Variants in MIF4GD observed in about 807,000 individuals in gnomAD.
MIF4GD encodes the protein MIF4G domain containing, also known as MIF4G domain-containing protein.
Under a neutral mutation model 26.7 loss-of-function variants are expected in MIF4GD, and 22 were observed. That is an observed-to-expected ratio of 0.82 (90% CI 0.59 to 1.18). The LOEUF (loss-of-function observed/expected upper bound fraction) is 1.18. Among genes scored for constraint, MIF4GD ranks in the 50% most tolerant of loss-of-function variants. MIF4GD has a pLI of 0.00. For synonymous variants in MIF4GD, 137 were observed against 111.6 expected (o/e 1.23, Z -1.43); for missense variants, 262 against 279.6 (o/e 0.94, Z 0.45).
chr17:75,267,683 G>C, intron 4 of MIF4GD, 53 bp from the exon 5 acceptor site: 1 of 1,612,982 alleles, frequency 6.2e-7, no homozygotes, highest in East Asian at 2.2e-5. Context: ...AAGGGGAGCA[G>C]TCCAACCTGG....
rs749939866 is a variant in MIF4GD at position 75,268,208 on chromosome 17, G to A, written c.83-16C>T. On this transcript the variant is annotated splice_polypyrimidine_tract_variant and intron_variant, in intron 2 of 5. Transcript: ENST00000325102. ...GCACCCGGATCTAGGGGTAGAGATA[G>A]GAGGGGAGTCTAGAGCTGCTGCTTT... The A allele has an allele frequency of 3.1e-6, 5 of 1,599,680 alleles. No individual in the cohort carries two copies. The highest frequency in any genetic ancestry group is 2.2e-5 in the South Asian group (2 of 90,802).
At position 75,266,476 on chromosome 17, in the gene MIF4GD, T is replaced by C; in HGVS notation, c.*264A>G. ...GTAAACTGAGGCACCAAGGTAGTAG[T>C]TGCACTAATGGTTACACAGTGCAGT... On this transcript the variant is annotated 3_prime_UTR_variant, in exon 6 of 6. Coordinates refer to ENST00000325102, the MANE Select transcript of MIF4GD (RefSeq NM_001370592.1). 1 of 540,830 alleles carries C rather than the reference T, an allele frequency of 1.8e-6. No individual in the cohort carries two copies. Among genetic ancestry groups the C allele is most frequent in the South Asian group, 2.1e-5 (1 of 46,870 alleles). 33.5% of individuals were successfully genotyped at this position (540,830 alleles called of 1,614,324 possible).
At chr17:75,269,509 T>C (rs767151086) in intron 2 of MIF4GD, 4 of 1,572,038 alleles carry the variant, frequency 2.5e-6, no homozygotes, top group Admixed American at 3.9e-5. Flanking sequence ...ATGTAAGCGC[T>C]TCAAGGGCAG....
Position 75,266,726 on chromosome 17 carries a change from C to T in MIF4GD, c.*14G>A, listed in dbSNP as rs746614263. ...GAAAGGCCAGTGCTGGTGAGGAAGC[C>T]CTGATCTGGAGGCCTAGTCGGAGAC... On this transcript the variant is annotated 3_prime_UTR_variant, in exon 6 of 6. Transcript: ENST00000325102. 3.7e-6 allele frequency: 6 copies of T among 1,612,548 alleles called. No homozygotes were observed. In the South Asian group the frequency reaches 6.6e-5, roughly 18 times the overall value.
At chr17:75,267,402 T>G in intron 5 of MIF4GD, 136 bp downstream of exon 5, 1 of 858,624 alleles carries the variant, frequency 1.2e-6, no homozygotes, top group Non-Finnish European at 1.8e-6. Context: ...CTGACAGGCC[T>G]TAAACACCCC....
At chr17:75,269,548 C>CTTTTTTTT (rs547476219) in intron 2 of MIF4GD, 43 of 559,074 alleles carry the variant, frequency 7.7e-5, no homozygotes, top group African/African-American at 5.0e-4. Context: ...TATGGTTAAA[C>CTTTTTTTT]TTTTTTTTTT....
chr17:75,268,619 C>A (rs372511015), intron 2 of MIF4GD, among the ~76,000 whole-genome samples: 17 of 149,750 alleles, frequency 1.1e-4, no homozygotes, highest in African/African-American at 4.2e-4. Flanking sequence ...TTGCAGTGAG[C>A]CGAGATCATG....
Position 75,266,407 on chromosome 17 carries a change from C to G in MIF4GD, c.*333G>C, listed in dbSNP as rs2077486192. The G allele has an allele frequency of 4.8e-6, 2 of 416,922 alleles. No individual in the cohort carries two copies. The highest frequency in any genetic ancestry group is 1.0e-4 in the East Asian group (2 of 20,056). 25.8% of individuals were successfully genotyped at this position (416,922 alleles called of 1,614,324 possible). On this transcript the variant is annotated 3_prime_UTR_variant, in exon 6 of 6. Transcript: ENST00000325102. The stretch of plus-strand genomic sequence containing the variant: ...GCTCTGCCTCCACCCCTTGACATCC[C>G]AAAATATCCCACCAGTGGCTATGCT...
intron 5 of MIF4GD, 55 bp from the exon 6 acceptor site, chr17:75,267,022 C>G: frequency 2.0e-6 from 3 of 1,509,768 alleles, no homozygotes; most frequent in Non-Finnish European, 2.7e-6. Flanking sequence ...CAGCCTCTCA[C>G]ACAGCATTTG....
In MIF4GD at chr17:75,268,078, C is replaced by G; in HGVS notation, c.192+5G>C. On this transcript the variant is annotated splice_donor_5th_base_variant and intron_variant, in intron 3 of 5. Coordinates refer to ENST00000325102, the MANE Select transcript of MIF4GD (RefSeq NM_001370592.1). ...GCAGCTTCCTTTCCTCTCCCAACCC[C>G]CAACCTGAATGATGGCGTAGCACAT... 1 of 1,614,048 alleles carries G rather than the reference C, an allele frequency of 6.2e-7. No individual in the cohort carries two copies. The highest frequency in any genetic ancestry group is 1.1e-5 in the South Asian group (1 of 91,078).
intron 5 of MIF4GD, 159 bp downstream of exon 5, chr17:75,267,379 G>A (rs1300406901): frequency 1.5e-6 from 1 of 688,298 alleles, no homozygotes; most frequent in Non-Finnish European, 2.4e-6. Context: ...AGACCTGGCA[G>A]CTTGTCCTAT....
Position 75,270,237 on chromosome 17 carries a change from G to A in MIF4GD, c.-42C>T, listed in dbSNP as rs1567826278. On this transcript the variant is annotated 5_prime_UTR_variant, in exon 2 of 6. Coordinates refer to ENST00000325102, the MANE Select transcript of MIF4GD (RefSeq NM_001370592.1). This position sits in a 1 kb window ranked among gnomAD's most constrained non-coding sequence, Gnocchi z 5.7. ...TAGCTCTTGACTGGGCTGGGAATAA[G>A]GACAGCACCTGAGGAGAAGAGGCGA... 2.6e-6 allele frequency: 4 copies of A among 1,543,546 alleles called. No individual in the cohort carries two copies. The highest frequency in any genetic ancestry group is 3.6e-6 in the Non-Finnish European group (4 of 1,116,398).
At chr17:75,267,227 G>A (rs2077522820) in intron 5 of MIF4GD, among the ~76,000 whole-genome samples, 2 of 150,726 alleles carry the variant, frequency 1.3e-5, no homozygotes, top group Admixed American at 1.3e-4. Context: ...CCCACACACT[G>A]CCTGACCCTG....
At position 75,270,097 on chromosome 17, in the gene MIF4GD, AGG is replaced by A; in HGVS notation, c.82+15_82+16del. ...CTGTAGCTCCTGACCCCAGCTCAGG[AGG>A]GGTCCCGTGCTCACCTTTGAGTGCT... is the stretch of plus-strand genomic sequence containing the variant. On this transcript the variant is annotated intron_variant, in intron 2 of 5. Coordinates refer to ENST00000325102, the MANE Select transcript of MIF4GD (RefSeq NM_001370592.1). The surrounding 1 kb of genome is among the most constrained non-coding windows in gnomAD (Gnocchi z 5.7). 6.2e-7 allele frequency: 1 copy of A among 1,612,182 alleles called. No individual in the cohort carries two copies. Among genetic ancestry groups the A allele is most frequent in the Middle Eastern group, 1.7e-4 (1 of 6,056 alleles).
At position 75,270,604 on chromosome 17, in the gene MIF4GD, G is replaced by A. The variant is rs560906715; in HGVS notation, c.-50-359C>T. On this transcript the variant is annotated intron_variant, in intron 1 of 5. Transcript: ENST00000325102. The surrounding 1 kb of genome is among the most constrained non-coding windows in gnomAD (Gnocchi z 5.7). ...AAACCGGCCTGACGTTGCTGGCCCA[G>A]GAAGATGCCGGGTGAGGGCCAGGCT... 1 of 188,610 alleles carries A rather than the reference G, an allele frequency of 5.3e-6. No individual in the cohort carries two copies. The highest frequency in any genetic ancestry group is 2.4e-5 in the African/African-American group (1 of 42,306). 11.7% of individuals were successfully genotyped at this position (188,610 alleles called of 1,614,324 possible).
In MIF4GD at chr17:75,266,570, G is replaced by A; in HGVS notation, c.*170C>T. On this transcript the variant is annotated 3_prime_UTR_variant, in exon 6 of 6. Coordinates refer to ENST00000325102, the MANE Select transcript of MIF4GD (RefSeq NM_001370592.1). Reference sequence around the variant, plus strand: ...TGGTGGGGAAAGGGGCTCAGGGCAGGACCACGGCATAAGTGGGAAACATCT... The same window carrying A: ...TGGTGGGGAAAGGGGCTCAGGGCAGAACCACGGCATAAGTGGGAAACATCT... The A allele has an allele frequency of 1.5e-6, 1 of 684,612 alleles. No individual in the cohort carries two copies. The highest frequency in any genetic ancestry group is 2.5e-5 in the Admixed American group (1 of 39,296). 42.4% of individuals were successfully genotyped at this position (684,612 alleles called of 1,614,324 possible). A position where few individuals can be genotyped will look rare whatever the true frequency, so the allele number is the denominator to read the frequency against.
chr17:75,270,488 A>G lies in MIF4GD; in HGVS notation c.-50-243T>C, dbSNP rs758543149. ...GGGATTACACAAGAGCGAGAAGCTG[A>G]AGCAGGAAAGCGCCCACCCTCCAGT... is the stretch of plus-strand genomic sequence containing the variant. On this transcript the variant is annotated intron_variant, in intron 1 of 5. Coordinates refer to ENST00000325102, the MANE Select transcript of MIF4GD (RefSeq NM_001370592.1). This position sits in a 1 kb window ranked among gnomAD's most constrained non-coding sequence, Gnocchi z 5.7. 2.0e-5 allele frequency: 7 copies of G among 350,324 alleles called. No homozygotes were observed. The highest frequency in any genetic ancestry group is 3.2e-5 in the Non-Finnish European group (6 of 185,750). 21.7% of individuals were successfully genotyped at this position (350,324 alleles called of 1,614,324 possible).
intron 3 of MIF4GD, 41 bp from the exon 4 acceptor site, chr17:75,267,942 G>A: frequency 6.2e-7 from 1 of 1,601,762 alleles, no homozygotes; most frequent in Admixed American, 1.7e-5. Context: ...GGGGGGCGGT[G>A]CCCCTGTAAC....
Position 75,269,511 on chromosome 17 carries a change from C to A in MIF4GD, c.82+603G>T, listed in dbSNP as rs752290224. The A allele has an allele frequency of 8.0e-6, 12 of 1,499,272 alleles. No homozygotes were observed. In the South Asian group the frequency reaches 1.3e-4, roughly 16 times the overall value. The allele number at this position is 1,499,272 out of a possible 1,614,324, so 92.9% of individuals were successfully genotyped here. ...ACCAGCAATTCAAATGTAAGCGCTT[C>A]AAGGGCAGGAGCCGTGTTCTTTTTT... On this transcript the variant is annotated intron_variant, in intron 2 of 5. Coordinates refer to ENST00000325102, the MANE Select transcript of MIF4GD (RefSeq NM_001370592.1).
Sources: allele counts gnomAD v4.1 joint callset (sites outside exome capture counted in the v4.1 genomes callset), GRCh38; gene constraint gnomAD v4.1.1; non-coding constraint Gnocchi (gnomAD v3.1); transcripts MANE v1.5; gene names NCBI Gene and HGNC (gene_info 2026-07-23, HGNC 2026-07-21).